DNAJB12: variants seen among roughly 807,000 people sequenced by gnomAD.
DNAJB12 encodes DnaJ heat shock protein family (Hsp40) member B12.
Under a neutral mutation model 40.6 loss-of-function variants are expected in DNAJB12, and 14 were observed. The observed-to-expected ratio is 0.34, with a 90% confidence interval of 0.23 to 0.54. DNAJB12 has a LOEUF of 0.54. DNAJB12 is among the 20% of genes least tolerant of loss of function. The pLI is 0.92. For missense variants in DNAJB12, 444 were observed against 501.7 expected (o/e 0.89, Z 1.10); for synonymous variants, 181 against 199.5 (o/e 0.91, Z 0.78).
chr10:72,336,728 C>T (rs377386519), intron 6 of DNAJB12, 32 bp from the exon 7 acceptor site: 211 of 1,603,540 alleles, frequency 1.3e-4, no homozygotes, highest in Middle Eastern at 8.4e-4. Context: ...AAAGTGGGTG[C>T]GGGTCCCCAT....
intron 1 of DNAJB12, among the ~76,000 whole-genome samples, chr10:72,345,430 C>T (rs1861758496): frequency 6.6e-6 from 1 of 151,754 alleles, no homozygotes; most frequent in African/African-American, 2.4e-5. Context: ...GGTGAAATCC[C>T]GTCTGTACTA....
In DNAJB12 at chr10:72,345,765, G is replaced by A. The variant is rs181036588; in HGVS notation, c.134-638C>T. The stretch of plus-strand genomic sequence containing the variant: ...CATTTAGCTGGAGATAGTGGTGGGC[G>A]CCTGTAATCCCAGCTACTCGAGAGA... On this transcript the variant is annotated intron_variant, in intron 1 of 8. Transcript: ENST00000444643. 2.7e-4 allele frequency among the ~76,000 whole-genome samples: 41 copies of A among 151,238 alleles called. 1 individual carries two copies. In the South Asian group the frequency reaches 4.6e-3, roughly 17 times the overall value.
chr10:72,334,441 G>A lies in DNAJB12; in HGVS notation c.*207C>T, dbSNP rs1861408957. 2.9e-6 allele frequency: 3 copies of A among 1,033,768 alleles called. No individual in the cohort carries two copies. The highest frequency in any genetic ancestry group is 2.9e-6 in the Non-Finnish European group (2 of 697,804). 64.0% of individuals were successfully genotyped at this position (1,033,768 alleles called of 1,614,324 possible). On this transcript the variant is annotated 3_prime_UTR_variant, in exon 9 of 9. Coordinates refer to ENST00000444643, the MANE Select transcript of DNAJB12 (RefSeq NM_017626.7). The stretch of plus-strand genomic sequence containing the variant: ...AGGGAGGGAAGCAGCCCCATGGCAG[G>A]TTTTCTGTCTGTCCTAAGAGCTTTC...
intron 7 of DNAJB12, 119 bp from the exon 8 acceptor site, chr10:72,336,050 C>T: frequency 1.5e-6 from 2 of 1,307,726 alleles, no homozygotes; most frequent in Non-Finnish European, 2.1e-6. Flanking sequence ...TTGGGCAGGG[C>T]TGGCCTCCCA....
chr10:72,335,200 G>A lies in DNAJB12; in HGVS notation c.*30+580C>T, dbSNP rs552716632. ...CCAGAGGGGGGTGGTCAGGGCCCGC[G>A]GCCCCTGCCGCCACCAAGACTGCCA... On this transcript the variant is annotated intron_variant, in intron 8 of 8. Transcript: ENST00000444643. This position sits in a 1 kb window ranked among gnomAD's most constrained non-coding sequence, Gnocchi z 4.4. 625 of 986,610 alleles carry A rather than the reference G, an allele frequency of 6.3e-4. 2 individuals are homozygous for A. The Middle Eastern group carries it at 0.015, about 24-fold the overall frequency. 61.1% of individuals were successfully genotyped at this position (986,610 alleles called of 1,614,324 possible).
rs1421381544 is a variant in DNAJB12 at position 72,340,977 on chromosome 10, G to A, written c.643+8C>T. 1.8e-5 allele frequency: 29 copies of A among 1,612,564 alleles called. No individual in the cohort carries two copies. Among genetic ancestry groups the A allele is most frequent in the Non-Finnish European group, 2.5e-5 (29 of 1,179,194 alleles). On this transcript the variant is annotated splice_region_variant and intron_variant, in intron 4 of 8. Transcript: ENST00000444643. ...GATACCTGGCTGTGGGGAGGGTGGG[G>A]AACTTACTAGAAGGGAAGCCGCCGC...
intron 6 of DNAJB12, among the ~76,000 whole-genome samples, chr10:72,337,302 C>T (rs1033271267): frequency 4.6e-5 from 7 of 152,202 alleles, no homozygotes; most frequent in African/African-American, 1.4e-4. Context: ...GAGCCTGAGC[C>T]GGCGGCCAGG....
At chr10:72,347,945 C>T (rs1861838284) in intron 1 of DNAJB12, among the ~76,000 whole-genome samples, 1 of 148,626 alleles carries the variant, frequency 6.7e-6, no homozygotes, top group Admixed American at 6.7e-5. Flanking sequence ...CCAAGCCCAC[C>T]AGGCATGGTG....
At chr10:72,346,633 G>A (rs187242574) in intron 1 of DNAJB12, among the ~76,000 whole-genome samples, 14 of 151,302 alleles carry the variant, frequency 9.3e-5, no homozygotes, top group Non-Finnish European at 1.8e-4. Flanking sequence ...CCTAATTTTT[G>A]TATTTTTAGT....
intron 3 of DNAJB12, among the ~76,000 whole-genome samples, chr10:72,341,794 A>G (rs1861646733): frequency 6.6e-6 from 1 of 152,116 alleles, no homozygotes; most frequent in African/African-American, 2.4e-5. Flanking sequence ...TCTAAGAGCA[A>G]CCCTATCTCC....
intron 1 of DNAJB12, among the ~76,000 whole-genome samples, chr10:72,350,377 C>T (rs1007649762): frequency 5.4e-5 from 6 of 110,346 alleles, no homozygotes; most frequent in Middle Eastern, 0.011. Context: ...CCAGCCTGGG[C>T]AACAGAGTGA....
chr10:72,343,356 G>T lies in DNAJB12; in HGVS notation c.457+10C>A, dbSNP rs1450969241. Reference sequence around the variant, plus strand: ...CACACCAAAATGCTAGGAAAGCAGGGCTGGCTTACCTTTGAAGGCTTCAGT... The same window carrying T: ...CACACCAAAATGCTAGGAAAGCAGGTCTGGCTTACCTTTGAAGGCTTCAGT... On this transcript the variant is annotated intron_variant, in intron 3 of 8. Transcript: ENST00000444643. The T allele has an allele frequency of 1.2e-6, 2 of 1,611,250 alleles. No homozygotes were observed. The highest frequency in any genetic ancestry group is 1.7e-6 in the Non-Finnish European group (2 of 1,178,674).
intron 2 of DNAJB12, 25 bp from the exon 3 acceptor site, chr10:72,343,536 C>T (rs773729565): frequency 7.4e-6 from 12 of 1,613,284 alleles, no homozygotes; most frequent in African/African-American, 4.0e-5. Flanking sequence ...GACCATGGTA[C>T]GGGGTGCTCT....
intron 1 of DNAJB12, among the ~76,000 whole-genome samples, chr10:72,349,847 T>G (rs897811627): frequency 6.6e-6 from 1 of 152,034 alleles, no homozygotes; most frequent in African/African-American, 2.4e-5. Flanking sequence ...AGTTGGAAAT[T>G]AAAGATTTCC....
chr10:72,339,543 A>T (rs1202165771), intron 5 of DNAJB12, among the ~76,000 whole-genome samples: 2 of 129,002 alleles, frequency 1.6e-5, no homozygotes, highest in African/African-American at 7.4e-5. Flanking sequence ...CAAAAAATTA[A>T]AAAAAAAAAA....
At chr10:72,336,351 G>A (rs1005410529) in intron 7 of DNAJB12, among the ~76,000 whole-genome samples, 173 bp downstream of exon 7, 6 of 152,196 alleles carry the variant, frequency 3.9e-5, no homozygotes, top group African/African-American at 9.7e-5. Flanking sequence ...TCCCAGCCCC[G>A]GAGAAACACA....
At position 72,336,505 on chromosome 10, in the gene DNAJB12, G is replaced by A. The variant is rs772191197; in HGVS notation, c.1006+19C>T. The A allele has an allele frequency of 1.9e-5, 31 of 1,609,696 alleles. No homozygotes were observed. The highest frequency in any genetic ancestry group is 4.4e-5 in the South Asian group (4 of 90,750). ...AAGCCACCTCCCAAATACAGCCCCC[G>A]CCTTCCCCCCACACTCACTCTGCTG... is the stretch of plus-strand genomic sequence containing the variant. On this transcript the variant is annotated intron_variant, in intron 7 of 8. Transcript: ENST00000444643.
rs1465518350 is a variant in DNAJB12 at position 72,335,409 on chromosome 10, C to T, written c.*30+371G>A. The stretch of plus-strand genomic sequence containing the variant: ...ATGTGATGGCCTAAATACCAGGGCA[C>T]GGACAATAGTCTGCTGTGCTGGAGA... On this transcript the variant is annotated intron_variant, in intron 8 of 8. Coordinates refer to ENST00000444643, the MANE Select transcript of DNAJB12 (RefSeq NM_017626.7). The surrounding 1 kb of genome is among the most constrained non-coding windows in gnomAD (Gnocchi z 4.4). The T allele has an allele frequency of 5.6e-5, 58 of 1,028,502 alleles. No homozygotes were observed. Among genetic ancestry groups the T allele is most frequent in the Non-Finnish European group, 6.4e-5 (55 of 854,734 alleles). The allele number at this position is 1,028,502 out of a possible 1,614,324, so 63.7% of individuals were successfully genotyped here. A position where few individuals can be genotyped will look rare whatever the true frequency, so the allele number is the denominator to read the frequency against.
intron 1 of DNAJB12, 85 bp from the exon 2 acceptor site, chr10:72,345,212 T>C: frequency 6.6e-7 from 1 of 1,503,818 alleles, no homozygotes; most frequent in Admixed American, 2.0e-5. Flanking sequence ...CCCACTCACT[T>C]CCCCTCCCAG....
Sources: allele counts gnomAD v4.1 joint callset (sites outside exome capture counted in the v4.1 genomes callset), GRCh38; gene constraint gnomAD v4.1.1; non-coding constraint Gnocchi (gnomAD v3.1); transcripts MANE v1.5; gene names NCBI Gene and HGNC (gene_info 2026-07-23, HGNC 2026-07-21).